Variants in SERPINA6 observed in about 807,000 individuals in gnomAD.
SERPINA6 encodes the protein corticosteroid-binding globulin.
In SERPINA6, 19 loss-of-function variants were observed where a neutral mutation model predicts 26.4. The observed-to-expected ratio is 0.72, with a 90% confidence interval of 0.50 to 1.06. SERPINA6 has a LOEUF of 1.06. Ranked by LOEUF, SERPINA6 falls within the 50% of genes least tolerant of loss-of-function variation. SERPINA6 has a pLI of 0.00. For synonymous variants in SERPINA6, 196 were observed against 199.4 expected (o/e 0.98, Z 0.14); for missense variants, 473 against 504.0 (o/e 0.94, Z 0.59).
intron 1 of SERPINA6, chr14:94,314,882 G>C: frequency 1.6e-6 from 1 of 611,668 alleles, no homozygotes; most frequent in Non-Finnish European, 2.9e-6. Flanking sequence ...GTGCCTGACA[G>C]GTACCCAACA....
At chr14:94,304,754 C>A (rs1288071654) in intron 4 of SERPINA6, 151 bp from the exon 5 acceptor site, 1 of 688,750 alleles carries the variant, frequency 1.5e-6, no homozygotes, top group East Asian at 2.7e-5. Flanking sequence ...CAAGTGGCAG[C>A]CCCAGGATTA....
chr14:94,317,473 C>A (rs1209083031), intron 1 of SERPINA6, among the ~76,000 whole-genome samples: 1 of 152,164 alleles, frequency 6.6e-6, no homozygotes, highest in East Asian at 1.9e-4. Flanking sequence ...AGCTTGGCCT[C>A]TCTCTCCTGA....
intron 3 of SERPINA6, among the ~76,000 whole-genome samples, 173 bp downstream of exon 3, chr14:94,309,563 G>A (rs1242771148): frequency 6.6e-6 from 1 of 152,202 alleles, no homozygotes; most frequent in Non-Finnish European, 1.5e-5. Flanking sequence ...AAATAAGCGT[G>A]AGCTCTAGAT....
intron 1 of SERPINA6, among the ~76,000 whole-genome samples, chr14:94,320,565 T>A (rs917039066): frequency 6.6e-6 from 1 of 152,202 alleles, no homozygotes; most frequent in African/African-American, 2.4e-5. Flanking sequence ...GATTCATGAA[T>A]TGTTTCTTTG....
chr14:94,320,135 C>T (rs996509227), intron 1 of SERPINA6, among the ~76,000 whole-genome samples: 10 of 152,230 alleles, frequency 6.6e-5, no homozygotes, highest in African/African-American at 2.4e-4. Context: ...ATACAGGATG[C>T]TTACAGGAGA....
intron 2 of SERPINA6, among the ~76,000 whole-genome samples, chr14:94,310,347 C>A (rs1176141610): frequency 6.6e-6 from 1 of 152,122 alleles, no homozygotes. Context: ...GTTCTGAGGG[C>A]TCTGGAAGTG....
chr14:94,314,281 A>G lies in SERPINA6; in HGVS notation c.368T>C (p.Leu123Ser). The stretch of plus-strand genomic sequence containing the variant: ...CAAGGCATTGCCCATGGTCATTTCT[A>G]AGCTGGTGTCTGACTTTGCAAAGAG... ...HQLFAKSDTS[L>S]EMTMGNALFL... The change falls in exon 2 of 5, where the codon TTA (leucine) becomes TCA (serine). Residue 123 changes from leucine to serine, a missense_variant. Coordinates refer to ENST00000341584, the MANE Select transcript of SERPINA6 (RefSeq NM_001756.4). The G allele has an allele frequency of 6.2e-7, 1 of 1,614,170 alleles. No individual in the cohort carries two copies. The highest frequency in any genetic ancestry group is 1.1e-5 in the South Asian group (1 of 91,084).
At chr14:94,317,552 G>A (rs1436835695) in intron 1 of SERPINA6, among the ~76,000 whole-genome samples, 1 of 152,196 alleles carries the variant, frequency 6.6e-6, no homozygotes, top group Non-Finnish European at 1.5e-5. Flanking sequence ...CTCTTGCTTT[G>A]CTGAGTTGTT....
rs1458294093 is a variant in SERPINA6, at chr14:94,323,317, G to A, written c.-70C>T. 6.6e-6 allele frequency: 1 copy of A among 152,274 alleles called. No individual in the cohort carries two copies. Among genetic ancestry groups the A allele is most frequent in the African/African-American group, 2.4e-5 (1 of 41,422 alleles). 9.4% of individuals were successfully genotyped at this position (152,274 alleles called of 1,614,324 possible). A position where few individuals can be genotyped will look rare whatever the true frequency, so the allele number is the denominator to read the frequency against. The stretch of plus-strand genomic sequence containing the variant: ...CTGCTGGCTTGGTCCTGCTGTCCTG[G>A]ACCCTAGCATGTGTACAGTAAGCCT... On this transcript the variant is annotated 5_prime_UTR_variant, in exon 1 of 5. Transcript: ENST00000341584.
At chr14:94,311,075 T>C (rs777091276) in intron 2 of SERPINA6, among the ~76,000 whole-genome samples, 9 of 152,228 alleles carry the variant, frequency 5.9e-5, no homozygotes, top group Non-Finnish European at 8.8e-5. Flanking sequence ...TAGCTACTTA[T>C]GGAGACAACA....
chr14:94,306,233 C>G lies in SERPINA6; in HGVS notation c.885-15G>C. 2 of 1,614,062 alleles carry G rather than the reference C, an allele frequency of 1.2e-6. No homozygotes were observed. The highest frequency in any genetic ancestry group is 1.7e-6 in the Non-Finnish European group (2 of 1,180,010). On this transcript the variant is annotated splice_polypyrimidine_tract_variant and intron_variant, in intron 3 of 4. Coordinates refer to ENST00000341584, the MANE Select transcript of SERPINA6 (RefSeq NM_001756.4). ...GGTCCACCTGGCTGCTCGGGGTAAGCAGACAGAGTTAGACATTCCAGGGCT... is the reference window on the plus strand; with the variant it reads ...GGTCCACCTGGCTGCTCGGGGTAAGGAGACAGAGTTAGACATTCCAGGGCT...
chr14:94,312,238 C>T (rs372743306), intron 2 of SERPINA6, among the ~76,000 whole-genome samples: 1 of 152,338 alleles, frequency 6.6e-6, no homozygotes, highest in South Asian at 2.1e-4. Context: ...GATCTCCTAT[C>T]CACTTAGCCC....
chr14:94,309,836 T>G lies in SERPINA6; in HGVS notation c.784A>C (p.Thr262Pro), dbSNP rs1895500236. The G allele has an allele frequency of 3.7e-6, 6 of 1,614,080 alleles. No individual in the cohort carries two copies. The South Asian group carries it at 6.6e-5, about 18-fold the overall frequency. The part of the protein sequence containing the change: ...LVQMNYVGNG[T>P]VFFILPDKGK... The stretch of plus-strand genomic sequence containing the variant: ...TTGTCCGGAAGGATGAAGAAGACAG[T>G]CCCATTGCCCACGTAGTTCATCTGC... The change falls in exon 3 of 5, where the codon ACT (threonine) becomes CCT (proline). Residue 262 changes from threonine (T) to proline (P), a missense_variant. Coordinates refer to ENST00000341584, the MANE Select transcript of SERPINA6 (RefSeq NM_001756.4).
At chr14:94,310,434 C>T (rs149108558) in intron 2 of SERPINA6, among the ~76,000 whole-genome samples, 3,048 of 152,208 alleles carry the variant, frequency 0.02, 53 homozygotes, top group Non-Finnish European at 0.029. Context: ...CCAGCCTGGC[C>T]GGCCCAGCTG....
chr14:94,310,344 G>C (rs1027461669), intron 2 of SERPINA6, among the ~76,000 whole-genome samples: 1 of 152,112 alleles, frequency 6.6e-6, no homozygotes, highest in Non-Finnish European at 1.5e-5. Flanking sequence ...CCAGTTCTGA[G>C]GGCTCTGGAA....
At chr14:94,312,769 G>A (rs1265722759) in intron 2 of SERPINA6, among the ~76,000 whole-genome samples, 2 of 152,292 alleles carry the variant, frequency 1.3e-5, no homozygotes. Context: ...AGGCAGTCCA[G>A]GCAGTAAGGA....
chr14:94,322,828 C>G (rs933191894), intron 1 of SERPINA6, among the ~76,000 whole-genome samples: 2 of 152,160 alleles, frequency 1.3e-5, no homozygotes, highest in Non-Finnish European at 2.9e-5. Context: ...GAAGAATACC[C>G]CTGCACTGGG....
chr14:94,314,025 G>T lies in SERPINA6; in HGVS notation c.613+11C>A. On this transcript the variant is annotated intron_variant, in intron 2 of 4. Transcript: ENST00000341584. ...GTGGATGGGCCTTCAGATGGGGATG[G>T]GTGGGAATACCTTTGAAGAAGATAT... 2 of 1,614,142 alleles carry T rather than the reference G, an allele frequency of 1.2e-6. No individual in the cohort carries two copies. The highest frequency in any genetic ancestry group is 1.7e-6 in the Non-Finnish European group (2 of 1,180,010).
chr14:94,304,624 A>G (rs372543825), intron 4 of SERPINA6, 21 bp from the exon 5 acceptor site: 3 of 1,606,254 alleles, frequency 1.9e-6, no homozygotes, highest in Non-Finnish European at 2.6e-6. Flanking sequence ...CAGAATGAAG[A>G]TGGGTAGTGA....
Sources: allele counts gnomAD v4.1 joint callset (sites outside exome capture counted in the v4.1 genomes callset), GRCh38; gene constraint gnomAD v4.1.1; transcripts MANE v1.5; gene names NCBI Gene and HGNC (gene_info 2026-07-23, HGNC 2026-07-21).